CDH13: variants seen among roughly 807,000 people sequenced by gnomAD.
The protein encoded by CDH13 is cadherin-13.
CDH13 carries 24 observed loss-of-function variants against 63.8 expected under a neutral mutation model. The observed-to-expected ratio is 0.38, with a 90% CI of 0.27 to 0.53. CDH13 has a LOEUF of 0.53. Ranked by LOEUF, CDH13 falls within the 20% of genes least tolerant of loss-of-function variation. CDH13 has a pLI of 0.85. For synonymous variants in CDH13, 503 were observed against 355.3 expected, an observed-to-expected ratio of 1.42 and a Z score of -4.67; for missense variants, 1,049 against 903.1, an observed-to-expected ratio of 1.16 and a Z score of -2.07.
At chr16:82,700,765 T>G (rs942541530) in intron 1 of CDH13, among the ~76,000 whole-genome samples, 1 of 152,156 alleles carries the variant, frequency 6.6e-6, no homozygotes, top group Non-Finnish European at 1.5e-5. Flanking sequence ...ATTATGTTCC[T>G]GACAGGATGC....
intron 2 of CDH13, among the ~76,000 whole-genome samples, chr16:82,947,778 A>G (rs951044556): frequency 6.6e-6 from 1 of 152,178 alleles, no homozygotes; most frequent in Non-Finnish European, 1.5e-5. Flanking sequence ...TATCTTCCAT[A>G]TTTCCAATGA....
chr16:83,095,090 A>T (rs2034128159), intron 3 of CDH13, among the ~76,000 whole-genome samples: 1 of 152,228 alleles, frequency 6.6e-6, no homozygotes, highest in Non-Finnish European at 1.5e-5. Context: ...TGTCAACTTG[A>T]TAAGAAGATT....
At chr16:82,866,306 C>T (rs1276349025) in intron 2 of CDH13, among the ~76,000 whole-genome samples, 1 of 151,244 alleles carries the variant, frequency 6.6e-6, no homozygotes, top group Non-Finnish European at 1.5e-5. Flanking sequence ...TTTTGGGTAT[C>T]CTTATAGCAG....
chr16:83,349,082 C>G (rs1009929699), intron 6 of CDH13, among the ~76,000 whole-genome samples: 2 of 152,166 alleles, frequency 1.3e-5, no homozygotes, highest in Non-Finnish European at 2.9e-5. Flanking sequence ...TCCGGCTGCT[C>G]AGCACTGAAC....
Position 82,783,066 on chromosome 16 carries a change from G to C in CDH13, c.46-75296G>C, listed in dbSNP as rs554234270. Among the ~76,000 whole-genome samples the C allele has an allele frequency of 1.8e-4, 28 of 152,322 alleles. 2 individuals are homozygous for C. Among genetic ancestry groups the C allele is most frequent in the African/African-American group, 6.7e-4 (28 of 41,578 alleles). On this transcript the variant is annotated intron_variant, in intron 1 of 13. Transcript: ENST00000567109. ...GAGTTTAAATAGATTGGAAGCAAAT[G>C]CTTGTTGACAACAGGTGTGGCTCAA...
chr16:83,711,663 A>G (rs1908074912), intron 10 of CDH13, among the ~76,000 whole-genome samples: 1 of 152,092 alleles, frequency 6.6e-6, no homozygotes, highest in African/African-American at 2.4e-5. Context: ...TTACGTGTGC[A>G]TACCACTACC....
chr16:83,045,634 TAAAAAAAAAAAAA>T (rs71382861), intron 3 of CDH13, among the ~76,000 whole-genome samples: 2 of 107,954 alleles, frequency 1.9e-5, no homozygotes, highest in South Asian at 3.4e-4. Flanking sequence ...AAGATTCCTT[TAAAAAAAAAAAAA>T]AAAAAAAAAA....
rs190423457 is a variant in CDH13, at chr16:82,860,879, T to G, written c.157+2406T>G. Reference sequence around the variant, plus strand: ...CAAGTAGCGGTTCAATTGAATAAACTTTTATACCTAACCAACCAATATTTT... The same window carrying G: ...CAAGTAGCGGTTCAATTGAATAAACGTTTATACCTAACCAACCAATATTTT... On this transcript the variant is annotated intron_variant, in intron 2 of 13. Coordinates refer to ENST00000567109, the MANE Select transcript of CDH13 (RefSeq NM_001257.5). Among the ~76,000 whole-genome samples, 53 of 152,324 alleles carry G rather than the reference T, an allele frequency of 3.5e-4. 1 individual carries two copies. The highest frequency in any genetic ancestry group is 3.0e-3 in the Admixed American group (46 of 15,302).
At chr16:83,506,382 T>C (rs1353324768) in intron 7 of CDH13, among the ~76,000 whole-genome samples, 4 of 152,188 alleles carry the variant, frequency 2.6e-5, no homozygotes, top group South Asian at 2.1e-4. Flanking sequence ...TCCCAACAGA[T>C]GAAAGGGAGG....
intron 1 of CDH13, among the ~76,000 whole-genome samples, chr16:82,763,862 A>G (rs984304086): frequency 1.3e-5 from 2 of 152,078 alleles, no homozygotes; most frequent in African/African-American, 4.8e-5. Context: ...TTTTGTAGAT[A>G]GGGTTTTGCC....
At chr16:83,566,746 G>C (rs912207219) in intron 7 of CDH13, among the ~76,000 whole-genome samples, 4 of 152,160 alleles carry the variant, frequency 2.6e-5, no homozygotes, top group Admixed American at 2.6e-4. Context: ...CACCTGTTCA[G>C]ATAATAATCT....
intron 8 of CDH13, among the ~76,000 whole-genome samples, chr16:83,645,181 G>T (rs918968897): frequency 1.3e-5 from 2 of 152,228 alleles, no homozygotes; most frequent in African/African-American, 2.4e-5. Context: ...TTAAAGAAAA[G>T]GTGGTGTATA....
At chr16:83,197,367 C>G (rs2038905099) in intron 4 of CDH13, among the ~76,000 whole-genome samples, 1 of 152,044 alleles carries the variant, frequency 6.6e-6, no homozygotes, top group African/African-American at 2.4e-5. Flanking sequence ...TCCCCTCCAG[C>G]ATTTATCCTT....
intron 1 of CDH13, among the ~76,000 whole-genome samples, chr16:82,660,594 A>G (rs867490635): frequency 4.0e-5 from 6 of 151,474 alleles, no homozygotes; most frequent in Middle Eastern, 6.8e-3. Context: ...ATGACAACCT[A>G]GGGCCCAGGA....
intron 4 of CDH13, among the ~76,000 whole-genome samples, chr16:83,212,579 T>C (rs2039371454): frequency 6.6e-6 from 1 of 152,212 alleles, no homozygotes; most frequent in Non-Finnish European, 1.5e-5. Flanking sequence ...TAGTGTTATA[T>C]GTTTAAAATA....
chr16:83,738,070 A>T (rs1352952692), intron 10 of CDH13, among the ~76,000 whole-genome samples: 1 of 152,250 alleles, frequency 6.6e-6, no homozygotes, highest in East Asian at 1.9e-4. Context: ...CAGAAAGTTA[A>T]TGCTGAAAAA....
chr16:83,673,248 A>G (rs1355882496), intron 9 of CDH13, among the ~76,000 whole-genome samples: 4 of 152,202 alleles, frequency 2.6e-5, no homozygotes, highest in African/African-American at 7.2e-5. Context: ...CCTTAATATT[A>G]CGTAGTACAT....
At chr16:83,071,026 A>G (rs980584475) in intron 3 of CDH13, among the ~76,000 whole-genome samples, 1 of 152,114 alleles carries the variant, frequency 6.6e-6, no homozygotes, top group African/African-American at 2.4e-5. Context: ...GCAAAGGAAA[A>G]GAACATTCCA....
At chr16:83,272,478 A>G (rs1555523171) in intron 5 of CDH13, among the ~76,000 whole-genome samples, 1 of 152,174 alleles carries the variant, frequency 6.6e-6, no homozygotes, top group Non-Finnish European at 1.5e-5. Flanking sequence ...GTATTTTCCC[A>G]TGTTGTTCAA....
Sources: allele counts gnomAD v4.1 joint callset (sites outside exome capture counted in the v4.1 genomes callset), GRCh38; gene constraint gnomAD v4.1.1; transcripts MANE v1.5; gene names NCBI Gene and HGNC (gene_info 2026-07-23, HGNC 2026-07-21).